The following RPN2 variants were observed in gnomAD, a reference collection of about 807,000 sequenced individuals.
The protein encoded by RPN2 is dolichyl-diphosphooligosaccharide--protein glycosyltransferase subunit 2.
A neutral mutation model predicts 71.4 loss-of-function variants in RPN2; 29 were observed. The ratio of observed to expected loss-of-function variants is 0.41; its 90% CI spans 0.30 to 0.55. RPN2 has a LOEUF of 0.55. RPN2 is among the 20% of genes least tolerant of loss of function. The pLI is 0.35. For synonymous variants in RPN2, 308 were observed against 305.0 expected, an observed-to-expected ratio of 1.01 and a Z score of -0.10; for missense variants, 726 against 774.1, an observed-to-expected ratio of 0.94 and a Z score of 0.74.
At chr20:37,225,913 G>A in intron 11 of RPN2, 111 bp downstream of exon 11, 1 of 794,036 alleles carries the variant, frequency 1.3e-6, no homozygotes, top group East Asian at 2.7e-5. Flanking sequence ...CTGCTTTCAG[G>A]TTTTGACCGA....
chr20:37,198,702 TG>T (rs1272336146), intron 3 of RPN2, among the ~76,000 whole-genome samples: 2 of 152,212 alleles, frequency 1.3e-5, no homozygotes, highest in Non-Finnish European at 2.9e-5. Context: ...ATAACCTTTT[TG>T]TACAGTTTTT....
chr20:37,181,339 T>C (rs974741082), intron 1 of RPN2, among the ~76,000 whole-genome samples: 3 of 152,126 alleles, frequency 2.0e-5, no homozygotes, highest in Admixed American at 1.3e-4. Flanking sequence ...CTTTGCTTAT[T>C]CCACTCAAGC....
At chr20:37,223,397 C>T (rs1345835295) in intron 9 of RPN2, among the ~76,000 whole-genome samples, 1 of 152,180 alleles carries the variant, frequency 6.6e-6, no homozygotes, top group East Asian at 1.9e-4. Flanking sequence ...AGCTTCATCT[C>T]TCTCATCTTT....
chr20:37,183,499 C>T (rs1193653961), intron 1 of RPN2, among the ~76,000 whole-genome samples: 1 of 152,122 alleles, frequency 6.6e-6, no homozygotes, highest in African/African-American at 2.4e-5. Context: ...CCGGCCAGAT[C>T]TTTCTGTATT....
chr20:37,183,352 A>T (rs2066927001), intron 1 of RPN2, among the ~76,000 whole-genome samples: 2 of 152,018 alleles, frequency 1.3e-5, no homozygotes, highest in Non-Finnish European at 2.9e-5. Flanking sequence ...AGTAGCTGGG[A>T]TTACAGGCAC....
intron 2 of RPN2, 57 bp downstream of exon 2, chr20:37,184,430 A>T: frequency 7.2e-7 from 1 of 1,381,098 alleles, no homozygotes; most frequent in Non-Finnish European, 1.0e-6. Context: ...TCATCCCCTC[A>T]CTATATTCCT....
rs1333849696 is a variant in RPN2 at position 37,228,439 on chromosome 20, TCTCA to T, written c.1300-108_1300-105del. 2.7e-5 allele frequency: 28 copies of T among 1,035,618 alleles called. No homozygotes were observed. The African/African-American group carries it at 3.8e-4, about 14-fold the overall frequency. The allele number at this position is 1,035,618 out of a possible 1,614,324, so 64.2% of individuals were successfully genotyped here. Reference sequence around the variant, plus strand: ...GGGCAGGTCTGGCAGATCCCAGAGCTCTCACTGTGACAAAGCGCTAATAACCGTC... The same window carrying T: ...GGGCAGGTCTGGCAGATCCCAGAGCTCTGTGACAAAGCGCTAATAACCGTC... On this transcript the variant is annotated intron_variant, in intron 11 of 16. Transcript: ENST00000237530.
chr20:37,218,614 C>T (rs1451332718), intron 9 of RPN2, among the ~76,000 whole-genome samples: 2 of 151,842 alleles, frequency 1.3e-5, no homozygotes, highest in Admixed American at 1.3e-4. Flanking sequence ...ACTTGTGCAA[C>T]CCTTGCCACA....
intron 6 of RPN2, among the ~76,000 whole-genome samples, chr20:37,205,939 G>A (rs1309793407): frequency 1.3e-5 from 2 of 152,164 alleles, no homozygotes; most frequent in Non-Finnish European, 2.9e-5. Context: ...TACTTGGCTG[G>A]AGTAATTTCG....
At chr20:37,190,222 A>G (rs2067111716) in intron 2 of RPN2, among the ~76,000 whole-genome samples, 1 of 152,192 alleles carries the variant, frequency 6.6e-6, no homozygotes, top group South Asian at 2.1e-4. Context: ...TAGGTTGAAC[A>G]CATACCCCCA....
In RPN2 at chr20:37,217,347, C is replaced by T. The variant is rs531201432; in HGVS notation, c.1092+3482C>T. Among the ~76,000 whole-genome samples the T allele has an allele frequency of 7.2e-5, 11 of 151,784 alleles. No individual in the cohort carries two copies. The South Asian group carries it at 2.3e-3, about 32-fold the overall frequency. ...CTCGCTCTGTCACCAGGCTGGAATGCAGTGGCGCAATCCCGGCTCACTGGA... is the reference window on the plus strand; with the variant it reads ...CTCGCTCTGTCACCAGGCTGGAATGTAGTGGCGCAATCCCGGCTCACTGGA... On this transcript the variant is annotated intron_variant, in intron 9 of 16. Coordinates refer to ENST00000237530, the MANE Select transcript of RPN2 (RefSeq NM_002951.5).
intron 4 of RPN2, among the ~76,000 whole-genome samples, chr20:37,201,162 G>C (rs932035898): frequency 5.3e-5 from 8 of 151,540 alleles, no homozygotes; most frequent in African/African-American, 1.9e-4. Flanking sequence ...TGGTGGGCGT[G>C]TAGGAAACGG....
chr20:37,215,502 G>T (rs2067784749), intron 9 of RPN2, among the ~76,000 whole-genome samples: 1 of 152,104 alleles, frequency 6.6e-6, no homozygotes, highest in Non-Finnish European at 1.5e-5. Context: ...ATTTGCAACT[G>T]AACATATTAA....
At chr20:37,218,159 C>T (rs1012717046) in intron 9 of RPN2, among the ~76,000 whole-genome samples, 8 of 152,172 alleles carry the variant, frequency 5.3e-5, no homozygotes, top group Admixed American at 2.0e-4. Context: ...CGCTTGTAAT[C>T]CCAGAACTTT....
chr20:37,195,351 A>C (rs1213501277), intron 2 of RPN2, among the ~76,000 whole-genome samples: 3 of 152,166 alleles, frequency 2.0e-5, no homozygotes, highest in Non-Finnish European at 4.4e-5. Context: ...GTCTTTGCAA[A>C]GTGTAGGAAT....
rs754713504 is a variant in RPN2 at position 37,228,726 on chromosome 20, C to T, written c.1476C>T (p.Asn492=). Residue 492 remains asparagine (N), a synonymous_variant, in exon 12 of 17, where the codon AAC becomes AAT. Transcript: ENST00000237530. ...YLIIGDATLK[N]PILWNVADVV... Reference sequence around the variant, plus strand: ...TCATTGGAGATGCCACTTTGAAGAACCCAATCCTCTGGAATGTGGTATGTG... The same window carrying T: ...TCATTGGAGATGCCACTTTGAAGAATCCAATCCTCTGGAATGTGGTATGTG... 2 of 1,614,200 alleles carry T rather than the reference C, an allele frequency of 1.2e-6. No homozygotes were observed. Among genetic ancestry groups the T allele is most frequent in the Non-Finnish European group, 1.7e-6 (2 of 1,180,024 alleles).
Position 37,223,917 on chromosome 20 carries a change from G to A in RPN2, c.1132G>A (p.Val378Ile), listed in dbSNP as rs2068017559. Residue 378 changes from valine to isoleucine, a missense_variant, in exon 10 of 17, where the codon GTT becomes ATT. Transcript: ENST00000237530. The stretch of plus-strand genomic sequence containing the variant: ...CTCCACTGAAGTTGGCATCACAAAT[G>A]TTGATCTTTCCACCGTGGATAAGGA... ...KISTEVGITN[V>I]DLSTVDKDQS... 1.2e-6 allele frequency: 2 copies of A among 1,614,038 alleles called. No individual in the cohort carries two copies. Among genetic ancestry groups the A allele is most frequent in the South Asian group, 2.2e-5 (2 of 91,088 alleles).
chr20:37,190,277 G>C (rs143465524), intron 2 of RPN2, among the ~76,000 whole-genome samples: 2,131 of 152,284 alleles, frequency 0.014, 25 homozygotes, highest in Non-Finnish European at 0.02. Flanking sequence ...ATGTTGGTTA[G>C]GGCTGAAGAT....
At chr20:37,236,551 A>G (rs376096583) in intron 15 of RPN2, 29 bp from the exon 16 acceptor site, 9 of 1,613,414 alleles carry the variant, frequency 5.6e-6, no homozygotes, top group Non-Finnish European at 7.6e-6. Context: ...GTTTCATTTA[A>G]TTGGATGTCA....
Sources: allele counts gnomAD v4.1 joint callset (sites outside exome capture counted in the v4.1 genomes callset), GRCh38; gene constraint gnomAD v4.1.1; transcripts MANE v1.5; gene names NCBI Gene and HGNC (gene_info 2026-07-23, HGNC 2026-07-21).